MYO7B: variants seen among roughly 807,000 people sequenced by gnomAD.
MYO7B encodes unconventional myosin-VIIb.
MYO7B carries 212 observed loss-of-function variants against 259.7 expected under a neutral mutation model. That is an observed-to-expected ratio of 0.82 (90% CI 0.73 to 0.91). The LOEUF is 0.91. Among genes scored for constraint, MYO7B ranks in the 40% least tolerant of loss-of-function variants. MYO7B has a pLI of 0.00. For synonymous variants in MYO7B, 1,197 were observed against 1,166.4 expected (o/e 1.03, Z -0.54); for missense variants, 2,732 against 2,813.5 (o/e 0.97, Z 0.66).
chr2:127,549,168 C>A (rs977585548), intron 1 of MYO7B, among the ~76,000 whole-genome samples: 1 of 6,446 alleles, frequency 1.6e-4, no homozygotes, highest in African/African-American at 7.0e-4. Context: ...TCCTTCCTTT[C>A]TTTCTTTCTT....
chr2:127,572,269 C>T (rs1233713821), intron 6 of MYO7B, among the ~76,000 whole-genome samples: 1 of 152,078 alleles, frequency 6.6e-6, no homozygotes, highest in African/African-American at 2.4e-5. Context: ...AAATACAAAA[C>T]TTAGTTGAGC....
chr2:127,635,263 C>T (rs767905777), intron 43 of MYO7B, 37 bp downstream of exon 43: 2 of 1,550,984 alleles, frequency 1.3e-6, no homozygotes. Flanking sequence ...ACTGGGGCCA[C>T]CCCCATCTTC....
At chr2:127,573,457 A>G (rs1377321479) in intron 6 of MYO7B, among the ~76,000 whole-genome samples, 1 of 152,188 alleles carries the variant, frequency 6.6e-6, no homozygotes, top group African/African-American at 2.4e-5. Context: ...GGCACTCCCC[A>G]TGCCGGCTTG....
intron 1 of MYO7B, among the ~76,000 whole-genome samples, chr2:127,553,570 G>T (rs371585395): frequency 6.6e-6 from 1 of 152,170 alleles, no homozygotes; most frequent in Non-Finnish European, 1.5e-5. Flanking sequence ...GTCACTTTTG[G>T]TGTATAGCAG....
intron 11 of MYO7B, 49 bp downstream of exon 11, chr2:127,582,059 C>T (rs1679123951): frequency 1.2e-6 from 2 of 1,610,756 alleles, no homozygotes; most frequent in Non-Finnish European, 1.7e-6. Flanking sequence ...TTGACCACGG[C>T]TCTGCTTCTT....
At position 127,560,030 on chromosome 2, in the gene MYO7B, C is replaced by CTT. The variant is rs59002626; in HGVS notation, c.18+303_18+304dup. 7.4e-3 allele frequency among the ~76,000 whole-genome samples: 1,028 copies of CTT among 138,160 alleles called. 17 individuals are homozygous for CTT. The highest frequency in any genetic ancestry group is 0.026 in the African/African-American group (964 of 36,582). 90.6% of individuals were successfully genotyped at this position (138,160 alleles called of 152,430 possible). On this transcript the variant is annotated intron_variant, in intron 2 of 47. Coordinates refer to ENST00000409816, the MANE Select transcript of MYO7B (RefSeq NM_001393586.1). ...GATTTCTTTTCTTTTCTTTTCTTTT[C>CTT]TTTTTTTTTTTTTTCAGACAGGGTC... is the stretch of plus-strand genomic sequence containing the variant.
intron 34 of MYO7B, among the ~76,000 whole-genome samples, chr2:127,629,060 C>G (rs911838102): frequency 3.3e-5 from 5 of 152,164 alleles, no homozygotes; most frequent in Admixed American, 1.3e-4. Context: ...GCCCCAGGAC[C>G]CCCGCTGGGC....
chr2:127,629,150 G>A (rs1216148866), intron 34 of MYO7B, among the ~76,000 whole-genome samples: 1 of 152,230 alleles, frequency 6.6e-6, no homozygotes, highest in East Asian at 1.9e-4. Context: ...TGGTTGGGAT[G>A]TAGCAGAAGA....
rs758448700 is a variant in MYO7B at position 127,627,257 on chromosome 2, G to A, written c.4407G>A (p.Glu1469=). 1.6e-5 allele frequency: 26 copies of A among 1,612,444 alleles called. No individual in the cohort carries two copies. The highest frequency in any genetic ancestry group is 1.0e-4 in the Admixed American group (6 of 59,822). ...GGCTTTGCTTCCTGGACCAGCAGGAGAAGATGCTGCTGGAACTCTCTTTCC... is the reference window on the plus strand; with the variant it reads ...GGCTTTGCTTCCTGGACCAGCAGGAAAAGATGCTGCTGGAACTCTCTTTCC... ...WKGLCFLDQQ[E]KMLLELSFPE... The change falls in exon 33 of 48, where the codon GAG becomes GAA. Residue 1469 remains glutamate (E), a synonymous_variant. Coordinates refer to ENST00000409816, the MANE Select transcript of MYO7B (RefSeq NM_001393586.1). The surrounding 1 kb of genome is among the most constrained non-coding windows in gnomAD (Gnocchi z 5.6).
At chr2:127,622,688 CT>C (rs1250759925) in intron 28 of MYO7B, among the ~76,000 whole-genome samples, 3 of 152,244 alleles carry the variant, frequency 2.0e-5, no homozygotes, top group Non-Finnish European at 4.4e-5. Context: ...TCCGCTGCAC[CT>C]TCTTTCTGTT....
At position 127,574,023 on chromosome 2, in the gene MYO7B, C is replaced by G. The variant is rs773193883; in HGVS notation, c.696C>G (p.Ile232Met). ...NPSGVIEGAR[I>M]EQFLLEKSRV... Reference sequence around the variant, plus strand: ...GCGGGGTGATCGAGGGCGCGCGCATCGAGCAATTTCTCCTGGAGAAGTCCC... The same window carrying G: ...GCGGGGTGATCGAGGGCGCGCGCATGGAGCAATTTCTCCTGGAGAAGTCCC... The change falls in exon 7 of 48, where the codon ATC (isoleucine) becomes ATG (methionine). Residue 232 changes from isoleucine (I) to methionine (M), a missense_variant. Transcript: ENST00000409816. 2.4e-5 allele frequency: 38 copies of G among 1,613,930 alleles called. No individual in the cohort carries two copies. The Admixed American group carries it at 5.5e-4, about 23-fold the overall frequency.
At chr2:127,555,225 G>A (rs1462785701) in intron 1 of MYO7B, among the ~76,000 whole-genome samples, 1 of 152,178 alleles carries the variant, frequency 6.6e-6, no homozygotes, top group Admixed American at 6.5e-5. Flanking sequence ...GGGATTACAG[G>A]CTTGAGCCAC....
chr2:127,563,186 T>A (rs1363788303), intron 2 of MYO7B, among the ~76,000 whole-genome samples: 1 of 152,250 alleles, frequency 6.6e-6, no homozygotes, highest in Admixed American at 6.5e-5. Flanking sequence ...TATGGTGAAA[T>A]ACTTGGTCAC....
rs1237742501 is a variant in MYO7B at position 127,613,519 on chromosome 2, C to A, written c.3398+916C>A. Among the ~76,000 whole-genome samples, 3 of 152,144 alleles carry A rather than the reference C, an allele frequency of 2.0e-5. No individual in the cohort carries two copies. Among genetic ancestry groups the A allele is most frequent in the African/African-American group, 7.2e-5 (3 of 41,432 alleles). On this transcript the variant is annotated intron_variant, in intron 26 of 47. Coordinates refer to ENST00000409816, the MANE Select transcript of MYO7B (RefSeq NM_001393586.1). The surrounding 1 kb of genome is among the most constrained non-coding windows in gnomAD (Gnocchi z 4.3). ...AGCAGATTTACAGTAGTTTTTAAAT[C>A]TTTTCTGCAAATCCAATACCTGGGT...
rs1392728301 is a variant in MYO7B at position 127,614,795 on chromosome 2, T to TA, written c.3398+2193dup. ...ACATTCCAAATTTCTTATCTTCCCT[T>TA]ATGCAGGCTGGAGGTGGCTTGGTGG... On this transcript the variant is annotated intron_variant, in intron 26 of 47. Coordinates refer to ENST00000409816, the MANE Select transcript of MYO7B (RefSeq NM_001393586.1). The surrounding 1 kb of genome is among the most constrained non-coding windows in gnomAD (Gnocchi z 4.6). Among the ~76,000 whole-genome samples, 2 of 152,194 alleles carry TA rather than the reference T, an allele frequency of 1.3e-5. No homozygotes were observed. The highest frequency in any genetic ancestry group is 2.9e-5 in the Non-Finnish European group (2 of 68,038).
chr2:127,564,387 G>A (rs1678242656), intron 3 of MYO7B, 121 bp downstream of exon 3: 1 of 708,450 alleles, frequency 1.4e-6, no homozygotes, highest in Non-Finnish European at 2.3e-6. Context: ...GTGGGGACCT[G>A]GGTGGCAGGA....
In MYO7B at chr2:127,609,414, C is replaced by CAA; in HGVS notation, c.2815-92_2815-91insAA. The CAA allele has an allele frequency of 8.5e-7, 1 of 1,172,888 alleles. No individual in the cohort carries two copies. Among genetic ancestry groups the CAA allele is most frequent in the Non-Finnish European group, 1.2e-6 (1 of 813,702 alleles). 72.7% of individuals were successfully genotyped at this position (1,172,888 alleles called of 1,614,324 possible). On this transcript the variant is annotated intron_variant, in intron 22 of 47. Transcript: ENST00000409816. The surrounding 1 kb of genome is among the most constrained non-coding windows in gnomAD (Gnocchi z 6.9). ...TGAGGGATCAGGGTAATGCAACAGC[C>CAA]CCCGTGCTGCCCGGCCTGCTGGACA...
intron 20 of MYO7B, among the ~76,000 whole-genome samples, chr2:127,606,309 G>T (rs1441900449): frequency 3.9e-5 from 6 of 152,174 alleles, no homozygotes; most frequent in Non-Finnish European, 7.4e-5. Flanking sequence ...TTAACCACGG[G>T]CATTTGCTAA....
At position 127,578,098 on chromosome 2, in the gene MYO7B, G is replaced by A; in HGVS notation, c.850-35G>A. The A allele has an allele frequency of 3.1e-6, 5 of 1,611,018 alleles. 1 individual carries two copies. Among genetic ancestry groups the A allele is most frequent in the South Asian group, 2.2e-5 (2 of 90,818 alleles). Reference sequence around the variant, plus strand: ...CCAGGAGGGAGGTGGTGGGGCAGGGGATGGCCCCATTCACTGAGGCACCCT... The same window carrying A: ...CCAGGAGGGAGGTGGTGGGGCAGGGAATGGCCCCATTCACTGAGGCACCCT... On this transcript the variant is annotated intron_variant, in intron 8 of 47. Transcript: ENST00000409816.
Sources: gnomAD v4.1 joint callset for allele counts (sites outside exome capture counted in the v4.1 genomes callset) on GRCh38, gnomAD v4.1.1 for gene constraint, Gnocchi (gnomAD v3.1) non-coding constraint, MANE v1.5 for transcripts, NCBI Gene and HGNC (gene_info 2026-07-23, HGNC 2026-07-21) for gene names.